Variants in GALNT13 observed in about 807,000 individuals in gnomAD.
GALNT13 encodes the protein polypeptide N-acetylgalactosaminyltransferase 13, also known as UDP-GalNAc:polypeptide N-acetylgalactosaminyltransferase 13.
A neutral mutation model predicts 64.2 loss-of-function variants in GALNT13; 28 were observed. The observed-to-expected ratio is 0.44, with a 90% CI of 0.32 to 0.60. The LOEUF is 0.60. Ranked by LOEUF, GALNT13 falls within the 20% of genes least tolerant of loss-of-function variation. The pLI, the probability that GALNT13 is intolerant of heterozygous loss-of-function variation, is 0.05. For synonymous variants in GALNT13, 214 were observed against 224.6 expected, an observed-to-expected ratio of 0.95 and a Z score of 0.42; for missense variants, 577 against 669.8, an observed-to-expected ratio of 0.86 and a Z score of 1.53.
the GALNT13 span, among the ~76,000 whole-genome samples, chr2:153,827,798 G>A: frequency 6.6e-6 from 1 of 152,106 alleles, no homozygotes; most frequent in African/African-American, 2.4e-5. Context: ...ACAGTCCAAA[G>A]TAAGTCTAAT....
the GALNT13 span, among the ~76,000 whole-genome samples, chr2:153,314,355 AT>A: frequency 2.0e-5 from 3 of 152,176 alleles, no homozygotes; most frequent in South Asian, 6.2e-4. Context: ...GATTGAGGCC[AT>A]TTTCAATAAT....
chr2:153,629,859 A>G, the GALNT13 span, among the ~76,000 whole-genome samples: 3 of 148,502 alleles, frequency 2.0e-5, no homozygotes, highest in South Asian at 6.6e-4. Context: ...ACACTTCTCA[A>G]AAAAAGACAT....
At chr2:153,594,344 T>C in the GALNT13 span, among the ~76,000 whole-genome samples, 35 of 152,294 alleles carry the variant, frequency 2.3e-4, no homozygotes, top group Non-Finnish European at 4.1e-4. Context: ...GGCTTAATTA[T>C]CATTTATATA....
chr2:154,415,330 C>A (rs1284542029), intron 11 of GALNT13, among the ~76,000 whole-genome samples: 1 of 152,004 alleles, frequency 6.6e-6, no homozygotes, highest in Non-Finnish European at 1.5e-5. Flanking sequence ...ACACATTGTA[C>A]CTTTTCCTTT....
chr2:154,383,011 C>A (rs903221251), intron 9 of GALNT13, among the ~76,000 whole-genome samples: 1 of 151,748 alleles, frequency 6.6e-6, no homozygotes, highest in Non-Finnish European at 1.5e-5. Flanking sequence ...CGGGCCAAGA[C>A]CTTAAATGAT....
At chr2:154,264,943 T>G (rs2105911437) in intron 8 of GALNT13, among the ~76,000 whole-genome samples, 1 of 150,872 alleles carries the variant, frequency 6.6e-6, no homozygotes, top group East Asian at 1.9e-4. Context: ...ATATATATAA[T>G]ATTCCACATA....
At chr2:153,882,239 C>T (rs565011685) in intron 1 of GALNT13, among the ~76,000 whole-genome samples, 2 of 151,766 alleles carry the variant, frequency 1.3e-5, no homozygotes, top group East Asian at 3.9e-4. Flanking sequence ...TTCACTCTGC[C>T]CATATTAAGC....
the GALNT13 span, among the ~76,000 whole-genome samples, chr2:153,615,636 T>C: frequency 3.2e-4 from 49 of 152,130 alleles, no homozygotes; most frequent in Non-Finnish European, 5.9e-4. Context: ...TTAATGATAT[T>C]GAACACTTTT....
At chr2:154,263,953 G>A (rs1206552918) in intron 8 of GALNT13, among the ~76,000 whole-genome samples, 2 of 152,146 alleles carry the variant, frequency 1.3e-5, no homozygotes, top group Non-Finnish European at 2.9e-5. Flanking sequence ...CAATTGCCTC[G>A]GCTTACTGCC....
the GALNT13 span, among the ~76,000 whole-genome samples, chr2:153,357,029 C>A: frequency 6.6e-6 from 1 of 151,912 alleles, no homozygotes; most frequent in Non-Finnish European, 1.5e-5. Flanking sequence ...AGGATGGTCT[C>A]GATCTCCTGA....
chr2:153,884,839 GTGTGTA>G (rs1558834196), intron 1 of GALNT13, among the ~76,000 whole-genome samples: 1 of 98,958 alleles, frequency 1.0e-5, no homozygotes, highest in African/African-American at 4.8e-5. Flanking sequence ...GTGTGTGTGT[GTGTGTA>G]TATATGTATA....
chr2:153,797,712 T>C, the GALNT13 span, among the ~76,000 whole-genome samples: 5 of 152,164 alleles, frequency 3.3e-5, no homozygotes, highest in Non-Finnish European at 7.3e-5. Flanking sequence ...AGTTACATCT[T>C]TAGACAAGAA....
chr2:153,894,710 A>G (rs536908049), intron 1 of GALNT13, among the ~76,000 whole-genome samples: 1 of 152,172 alleles, frequency 6.6e-6, no homozygotes, highest in Non-Finnish European at 1.5e-5. Flanking sequence ...CTAAGAGCAG[A>G]AAAAATGGGG....
At chr2:153,151,365 C>G in the GALNT13 span, among the ~76,000 whole-genome samples, 1 of 152,126 alleles carries the variant, frequency 6.6e-6, no homozygotes, top group African/African-American at 2.4e-5. Context: ...AATAGGAACA[C>G]TTTTACACTG....
chr2:153,542,320 C>T, the GALNT13 span, among the ~76,000 whole-genome samples: 1 of 133,798 alleles, frequency 7.5e-6, no homozygotes, highest in Admixed American at 8.2e-5. Context: ...AACTCCATCT[C>T]AAAAAACAAA....
At chr2:153,167,332 T>G in the GALNT13 span, among the ~76,000 whole-genome samples, 1 of 152,222 alleles carries the variant, frequency 6.6e-6, no homozygotes, top group African/African-American at 2.4e-5. Context: ...GCAGAAACTT[T>G]GAGAGCCAGT....
the GALNT13 span, among the ~76,000 whole-genome samples, chr2:153,788,402 A>ATT: frequency 3.4e-4 from 51 of 148,560 alleles, no homozygotes; most frequent in Admixed American, 4.7e-4. Flanking sequence ...TGCTGAGGGA[A>ATT]TTTTTTTTTT....
chr2:153,089,172 T>G, the GALNT13 span, among the ~76,000 whole-genome samples: 1 of 152,194 alleles, frequency 6.6e-6, no homozygotes, highest in African/African-American at 2.4e-5. Context: ...GGCTTGGTAG[T>G]GGTGAATTCT....
chr2:153,246,179 T>G, the GALNT13 span, among the ~76,000 whole-genome samples: 1 of 152,142 alleles, frequency 6.6e-6, no homozygotes, highest in African/African-American at 2.4e-5. Context: ...TGGATTGGTA[T>G]GCCTGAAAAT....
Sources: gnomAD v4.1 joint callset for allele counts (sites outside exome capture counted in the v4.1 genomes callset) on GRCh38, gnomAD v4.1.1 for gene constraint, MANE v1.5 for transcripts, NCBI Gene and HGNC (gene_info 2026-07-23, HGNC 2026-07-21) for gene names.